ZNF473: variants seen among roughly 807,000 people sequenced by gnomAD.
ZNF473 encodes zinc finger protein 100 homolog.
In ZNF473, 4 loss-of-function variants were observed where a neutral mutation model predicts 11.1. The observed-to-expected ratio is 0.36, with a 90% CI of 0.18 to 0.82. The LOEUF (loss-of-function observed/expected upper bound fraction) is 0.82. Among genes scored for constraint, ZNF473 ranks in the 40% least tolerant of loss-of-function variants. The probability of loss-of-function intolerance (pLI) is 0.49; values close to 1 mark genes in which losing one functional copy is unlikely to be tolerated. For synonymous variants in ZNF473, 404 were observed against 390.4 expected (o/e 1.03, Z -0.41); for missense variants, 854 against 1,084.0 (o/e 0.79, Z 2.98).
chr19:50,027,718 G>T (rs1280742785), intron 1 of ZNF473, among the ~76,000 whole-genome samples: 2 of 150,306 alleles, frequency 1.3e-5, no homozygotes, highest in Non-Finnish European at 1.5e-5. Flanking sequence ...TTTTTTTTTT[G>T]ATGACAGAGT....
chr19:50,026,437 G>C (rs2077276422), intron 1 of ZNF473, among the ~76,000 whole-genome samples: 1 of 151,992 alleles, frequency 6.6e-6, no homozygotes, highest in South Asian at 2.1e-4. Flanking sequence ...TGTAATCCCA[G>C]CTACTCAGGA....
rs183978360 is a variant in ZNF473 at position 50,027,252 on chromosome 19, G to A, written c.-192+1130G>A. On this transcript the variant is annotated intron_variant, in intron 1 of 4. Transcript: ENST00000270617. ...AAGGTGTGAATATTCACACTTATGA[G>A]AACATTAAGACCCTACATGGCCTGT... Among the ~76,000 whole-genome samples, 610 of 152,302 alleles carry A rather than the reference G, an allele frequency of 4.0e-3. 8 individuals carry two copies. The highest frequency in any genetic ancestry group is 3.4e-3 in the Non-Finnish European group (233 of 68,034).
Position 50,031,045 on chromosome 19 carries a change from G to A in ZNF473, c.-38G>A, listed in dbSNP as rs1196552361. 5.1e-6 allele frequency: 8 copies of A among 1,561,056 alleles called. No individual in the cohort carries two copies. The highest frequency in any genetic ancestry group is 1.7e-4 in the Middle Eastern group (1 of 5,878). On this transcript the variant is annotated 5_prime_UTR_variant, in exon 2 of 5. Transcript: ENST00000270617. The stretch of plus-strand genomic sequence containing the variant: ...CAGCCGGGAACACGGAGGGGAAGGA[G>A]GAGGAGCTTAAAAGAGGCTACTGAA...
chr19:50,047,412 A>C lies in ZNF473; in HGVS notation c.*353A>C. 4.2e-6 allele frequency: 1 copy of C among 238,580 alleles called. No individual in the cohort carries two copies. The allele number at this position is 238,580 out of a possible 1,614,324, so 14.8% of individuals were successfully genotyped here. ...GGCTTTTCTGAGGATTAAATAAATA[A>C]ATGTGAAGCACTTAGAACTGATGGC... On this transcript the variant is annotated 3_prime_UTR_variant, in exon 5 of 5. Coordinates refer to ENST00000270617, the MANE Select transcript of ZNF473 (RefSeq NM_015428.4).
rs765018931 is a variant in ZNF473, at chr19:50,046,102, G to C, written c.1659G>C (p.Gln553His). 5 of 1,614,222 alleles carry C rather than the reference G, an allele frequency of 3.1e-6. No homozygotes were observed. The highest frequency in any genetic ancestry group is 4.2e-6 in the Non-Finnish European group (5 of 1,180,042). The change falls in exon 5 of 5, where the codon CAG becomes CAC. Residue 553 changes from glutamine to histidine, a missense_variant. Gln to His is a conservative substitution (Grantham distance 24). Transcript: ENST00000270617. This position sits in a 1 kb window ranked among gnomAD's most constrained non-coding sequence, Gnocchi z 5.9. ...TTGTGAGTGGGAAGATCTTGGATCAGAACCCAGAACAGAAAGAGAAGTGCT... is the reference window on the plus strand; with the variant it reads ...TTGTGAGTGGGAAGATCTTGGATCACAACCCAGAACAGAAAGAGAAGTGCT... The part of the protein sequence containing the change: ...GFFVSGKILD[Q>H]NPEQKEKCFK...
intron 2 of ZNF473, among the ~76,000 whole-genome samples, chr19:50,038,416 C>T (rs1337119721): frequency 6.6e-6 from 1 of 151,930 alleles, no homozygotes; most frequent in East Asian, 1.9e-4. Context: ...GGTCTTTCCC[C>T]CAGAAGCTGT....
rs1978630429 is a variant in ZNF473 at position 50,039,142 on chromosome 19, A to G, written c.10-19A>G. 5 of 1,613,502 alleles carry G rather than the reference A, an allele frequency of 3.1e-6. No homozygotes were observed. Among genetic ancestry groups the G allele is most frequent in the African/African-American group, 2.7e-5 (2 of 74,916 alleles). On this transcript the variant is annotated intron_variant, in intron 2 of 4. Transcript: ENST00000270617. The surrounding 1 kb of genome is among the most constrained non-coding windows in gnomAD (Gnocchi z 4.8). Reference sequence around the variant, plus strand: ...CCTGACCCCAGCCTCTGAGTGACCAATAGTGTACTGTGTTTCAGGAATTTG... The same window carrying G: ...CCTGACCCCAGCCTCTGAGTGACCAGTAGTGTACTGTGTTTCAGGAATTTG...
At chr19:50,037,659 A>C (rs78530113) in intron 2 of ZNF473, among the ~76,000 whole-genome samples, 2 of 95,926 alleles carry the variant, frequency 2.1e-5, no homozygotes, top group Admixed American at 1.9e-4. Context: ...CTACTCTACC[A>C]AAAAAAAAAA....
Position 50,047,087 on chromosome 19 carries a change from T to C in ZNF473, c.*28T>C, listed in dbSNP as rs767356576. 3.8e-6 allele frequency: 6 copies of C among 1,561,898 alleles called. No individual in the cohort carries two copies. Among genetic ancestry groups the C allele is most frequent in the East Asian group, 4.5e-5 (2 of 44,170 alleles). On this transcript the variant is annotated 3_prime_UTR_variant, in exon 5 of 5. Coordinates refer to ENST00000270617, the MANE Select transcript of ZNF473 (RefSeq NM_015428.4). ...ATTGGGTGGCAGCAGAGTCCCAGAA[T>C]ATGAGACCGTTACTCGGATGTTGAA...
intron 2 of ZNF473, among the ~76,000 whole-genome samples, chr19:50,033,302 C>G (rs187108342): frequency 1.2e-3 from 175 of 152,142 alleles, no homozygotes; most frequent in African/African-American, 4.1e-3. Flanking sequence ...CAGGTGTGTT[C>G]AGGGAGCTGC....
chr19:50,028,499 A>T (rs935963943), intron 1 of ZNF473, among the ~76,000 whole-genome samples: 1 of 147,778 alleles, frequency 6.8e-6, no homozygotes, highest in Admixed American at 6.7e-5. Context: ...GTGCCACCAC[A>T]ACTTGCTCAT....
intron 2 of ZNF473, among the ~76,000 whole-genome samples, chr19:50,034,260 A>AC (rs1320208836): frequency 6.6e-6 from 1 of 151,706 alleles, no homozygotes; most frequent in African/African-American, 2.4e-5. Flanking sequence ...ACCACTTCTC[A>AC]CCCCCTCCAT....
At chr19:50,043,550 G>C (rs1178712237) in intron 4 of ZNF473, 5 of 151,490 alleles carry the variant, frequency 3.3e-5, no homozygotes, top group Admixed American at 1.3e-4. Context: ...CCTTACAGGA[G>C]GTTGTCGAGT....
At chr19:50,043,998 C>CA (rs1353562777) in intron 4 of ZNF473, among the ~76,000 whole-genome samples, 1 of 152,142 alleles carries the variant, frequency 6.6e-6, no homozygotes, top group African/African-American at 2.4e-5. Flanking sequence ...TGGGCTAATA[C>CA]ACTCATTTCT....
chr19:50,045,024 C>T lies in ZNF473; in HGVS notation c.581C>T (p.Ser194Phe). The T allele has an allele frequency of 6.2e-7, 1 of 1,614,192 alleles. No individual in the cohort carries two copies. Among genetic ancestry groups the T allele is most frequent in the Non-Finnish European group, 8.5e-7 (1 of 1,180,032 alleles). Residue 194 changes from serine to phenylalanine, a missense_variant, in exon 5 of 5, where the codon TCC becomes TTC. By Grantham distance (155) the Ser-to-Phe change is radical (BLOSUM62 -2). Coordinates refer to ENST00000270617, the MANE Select transcript of ZNF473 (RefSeq NM_015428.4). ...TATAGGGGTGAGTTTTTCTCCTACT[C>T]CGACCACAGCCAGCAGGATTCTGTT... ...KEYRGEFFSY[S>F]DHSQQDSVQE... is the part of the protein sequence containing the mutation.
rs147870391 is a variant in ZNF473 at position 50,026,435 on chromosome 19, C to G, written c.-192+313C>G. Among the ~76,000 whole-genome samples the G allele has an allele frequency of 9.8e-3, 1,489 of 151,942 alleles. 6 individuals are homozygous for G. The highest frequency in any genetic ancestry group is 0.016 in the Non-Finnish European group (1,119 of 67,968). On this transcript the variant is annotated intron_variant, in intron 1 of 4. Coordinates refer to ENST00000270617, the MANE Select transcript of ZNF473 (RefSeq NM_015428.4). ...GCGTGGTGGCGGGGGCCTGTAATCC[C>G]AGCTACTCAGGAGGCTGAGGCAGGA...
At position 50,045,686 on chromosome 19, in the gene ZNF473, A is replaced by G. The variant is rs1979063740; in HGVS notation, c.1243A>G (p.Asn415Asp). Residue 415 changes from asparagine (N) to aspartate (D), a missense_variant, in exon 5 of 5, where the codon AAC becomes GAC. Asn to Asp is a conservative substitution (Grantham distance 23). This residue lies in a region of ZNF473 where 668 missense variants were observed against 790.2 expected (regional missense o/e 0.85). Coordinates refer to ENST00000270617, the MANE Select transcript of ZNF473 (RefSeq NM_015428.4). The stretch of plus-strand genomic sequence containing the variant: ...CGAACGTGGGAAATCCTTCAGGCAT[A>G]ACTCTACCCTAAAGATCCATCAGAG... ...CNERGKSFRH[N>D]STLKIHQRVH... The G allele has an allele frequency of 6.2e-7, 1 of 1,614,152 alleles. No individual in the cohort carries two copies. The highest frequency in any genetic ancestry group is 8.5e-7 in the Non-Finnish European group (1 of 1,180,030).
At chr19:50,043,441 A>AG (rs1978888129) in intron 4 of ZNF473, 1 of 106,358 alleles carries the variant, frequency 9.4e-6, no homozygotes, top group East Asian at 3.6e-4. Flanking sequence ...CCAAAAAAAA[A>AG]AAAAAAAATA....
At chr19:50,026,639 C>T (rs998178903) in intron 1 of ZNF473, among the ~76,000 whole-genome samples, 15 of 151,264 alleles carry the variant, frequency 9.9e-5, no homozygotes, top group Non-Finnish European at 1.6e-4. Context: ...CGAGGCTAGC[C>T]TGGGCCAGAT....
Sources: gnomAD v4.1 joint callset for allele counts (sites outside exome capture counted in the v4.1 genomes callset) on GRCh38, gnomAD v4.1.1 for gene constraint, gnomAD v4.1.1 regional missense constraint, Gnocchi (gnomAD v3.1) non-coding constraint, MANE v1.5 for transcripts, NCBI Gene and HGNC (gene_info 2026-07-23, HGNC 2026-07-21) for gene names.